The following MTRFR variants were observed in gnomAD, a reference collection of about 807,000 sequenced individuals.
MTRFR encodes mitochondrial translation release factor in rescue.
In MTRFR, 10 loss-of-function variants were observed where a neutral mutation model predicts 11.9. The observed-to-expected ratio is 0.84, with a 90% confidence interval of 0.52 to 1.42. MTRFR has a LOEUF of 1.42. Ranked by LOEUF, MTRFR falls within the 40% of genes most tolerant of loss-of-function variation. The probability of loss-of-function intolerance (pLI) is 0.00; values close to 1 mark genes in which losing one functional copy is unlikely to be tolerated. For synonymous variants in MTRFR, 77 were observed against 79.1 expected (o/e 0.97, Z 0.14); for missense variants, 196 against 197.9 (o/e 0.99, Z 0.06).
chr12:123,250,694 C>T (rs1390933565), intron 1 of MTRFR: 1 of 152,244 alleles, frequency 6.6e-6, no homozygotes, highest in African/African-American at 2.4e-5. Flanking sequence ...CTGCAGAGTC[C>T]TGTGATGTGA....
chr12:123,239,609 AG>A (rs1187826658), intron 1 of MTRFR, among the ~76,000 whole-genome samples: 5 of 151,936 alleles, frequency 3.3e-5, no homozygotes, highest in Non-Finnish European at 5.9e-5. Context: ...TCACCGTGTT[AG>A]CCAGGATGGT....
At chr12:123,256,765 T>C in intron 2 of MTRFR, 48 bp from the exon 3 acceptor site, 2 of 1,470,832 alleles carry the variant, frequency 1.4e-6, no homozygotes, top group Non-Finnish European at 1.9e-6. Context: ...GTCCTGTCCA[T>C]TTTTAACATC....
intron 1 of MTRFR, chr12:123,233,900 G>A (rs879622535): frequency 6.6e-6 from 1 of 152,358 alleles, no homozygotes; most frequent in Non-Finnish European, 1.5e-5. Context: ...ATCAGGTGCT[G>A]TTTCAGGCCT....
Position 123,239,842 on chromosome 12 carries a change from C to T in MTRFR, c.-29+6311C>T, listed in dbSNP as rs116697945. ...TGTCACCATCTCTGCTAGCTCAAAT[C>T]AGTATTTGTTTAATTCTTTTCTTGG... On this transcript the variant is annotated intron_variant, in intron 1 of 2. Coordinates refer to ENST00000253233, the MANE Select transcript of MTRFR (RefSeq NM_152269.5). Among the ~76,000 whole-genome samples the T allele has an allele frequency of 7.9e-3, 1,197 of 152,192 alleles. 15 individuals carry two copies. The highest frequency in any genetic ancestry group is 0.027 in the African/African-American group (1,127 of 41,522).
chr12:123,255,752 G>T (rs1209982539), intron 2 of MTRFR, among the ~76,000 whole-genome samples: 1 of 152,196 alleles, frequency 6.6e-6, no homozygotes, highest in Non-Finnish European at 1.5e-5. Context: ...AGCCTCCCGA[G>T]TAGCTGGGAT....
chr12:123,246,559 T>G (rs1427463951), intron 1 of MTRFR, among the ~76,000 whole-genome samples: 1 of 152,136 alleles, frequency 6.6e-6, no homozygotes, highest in East Asian at 1.9e-4. Context: ...GTTCAAGCAA[T>G]TCTCCTGCCT....
At chr12:123,243,216 A>C (rs1055383213) in intron 1 of MTRFR, among the ~76,000 whole-genome samples, 8 of 151,848 alleles carry the variant, frequency 5.3e-5, no homozygotes, top group Non-Finnish European at 7.4e-5. Context: ...GCATCTTGCC[A>C]ATACCATCTT....
chr12:123,245,449 G>A (rs1485441529), intron 1 of MTRFR, among the ~76,000 whole-genome samples: 1 of 152,082 alleles, frequency 6.6e-6, no homozygotes, highest in African/African-American at 2.4e-5. Flanking sequence ...TGGGGATTGT[G>A]TGGAATTTGT....
intron 1 of MTRFR, among the ~76,000 whole-genome samples, chr12:123,238,525 C>G (rs1025487342): frequency 6.6e-6 from 1 of 152,078 alleles, no homozygotes; most frequent in African/African-American, 2.4e-5. Flanking sequence ...AATCCCAGCA[C>G]TTTTTGAGAC....
At chr12:123,236,356 G>A (rs1342396874) in intron 1 of MTRFR, among the ~76,000 whole-genome samples, 2 of 152,088 alleles carry the variant, frequency 1.3e-5, no homozygotes, top group Non-Finnish European at 2.9e-5. Context: ...CACTTTGGGA[G>A]GCTGAGGCAG....
At chr12:123,238,553 T>C (rs570211142) in intron 1 of MTRFR, among the ~76,000 whole-genome samples, 7 of 152,228 alleles carry the variant, frequency 4.6e-5, no homozygotes, top group Admixed American at 2.0e-4. Flanking sequence ...GGCAGATTGC[T>C]TGAGCTCAGG....
At chr12:123,245,713 T>G (rs1436495932) in intron 1 of MTRFR, among the ~76,000 whole-genome samples, 1 of 152,212 alleles carries the variant, frequency 6.6e-6, no homozygotes, top group African/African-American at 2.4e-5. Flanking sequence ...ACTTGGTCGC[T>G]GTTGGTGTAT....
chr12:123,256,236 A>C (rs2048180867), intron 2 of MTRFR, among the ~76,000 whole-genome samples: 1 of 152,250 alleles, frequency 6.6e-6, no homozygotes, highest in African/African-American at 2.4e-5. Context: ...AACTGGCCAC[A>C]AGCTAGATAC....
Position 123,253,625 on chromosome 12 carries a change from TCTC to T in MTRFR, c.-28-19_-28-17del, listed in dbSNP as rs1376246675. 6.2e-7 allele frequency: 1 copy of T among 1,612,018 alleles called. No homozygotes were observed. Among genetic ancestry groups the T allele is most frequent in the African/African-American group, 1.3e-5 (1 of 74,980 alleles). The stretch of plus-strand genomic sequence containing the variant: ...AGGGCAGATGCCTCTTACTGAAAGC[TCTC>T]CTTATTCATCTAACCCAGGTCCTCA... On this transcript the variant is annotated intron_variant, in intron 1 of 2. Transcript: ENST00000253233.
In MTRFR at chr12:123,253,693, T is replaced by C; in HGVS notation, c.19T>C (p.Phe7Leu). The C allele has an allele frequency of 6.2e-7, 1 of 1,614,206 alleles. No homozygotes were observed. Among genetic ancestry groups the C allele is most frequent in the Non-Finnish European group, 8.5e-7 (1 of 1,180,034 alleles). MSTVGL[F>L]HFPTPLTRIC... ...GTTCCTTATGAGCACCGTGGGTTTA[T>C]TTCATTTTCCTACACCACTGACCCG... The change falls in exon 2 of 3, where the codon TTT (phenylalanine) becomes CTT (leucine). Residue 7 changes from phenylalanine (F) to leucine (L), a missense_variant. By Grantham distance (22) the Phe-to-Leu change is conservative. Transcript: ENST00000253233.
chr12:123,237,002 T>C (rs1156813101), intron 1 of MTRFR, among the ~76,000 whole-genome samples: 1 of 152,010 alleles, frequency 6.6e-6, no homozygotes, highest in Non-Finnish European at 1.5e-5. Context: ...GGAGAATTGC[T>C]TGAATCTGGA....
chr12:123,241,582 C>CA (rs1402599725), intron 1 of MTRFR, among the ~76,000 whole-genome samples: 1 of 152,104 alleles, frequency 6.6e-6, no homozygotes, highest in Non-Finnish European at 1.5e-5. Context: ...TCAGGTGATC[C>CA]ACCTACTTCA....
At chr12:123,251,884 TATG>T (rs1448024075) in intron 1 of MTRFR, 2 of 152,330 alleles carry the variant, frequency 1.3e-5, no homozygotes, top group African/African-American at 4.8e-5. Context: ...GCAAATAAAT[TATG>T]ATCACAAGGT....
chr12:123,249,023 G>A (rs994883942), intron 1 of MTRFR: 2 of 151,996 alleles, frequency 1.3e-5, no homozygotes, highest in Admixed American at 6.6e-5. Context: ...AGTGCTGATT[G>A]GTGCATTTAC....
Sources: gnomAD v4.1 joint callset for allele counts (sites outside exome capture counted in the v4.1 genomes callset) on GRCh38, gnomAD v4.1.1 for gene constraint, MANE v1.5 for transcripts, NCBI Gene and HGNC (gene_info 2026-07-23, HGNC 2026-07-21) for gene names.